Variants in SOX5 observed in about 807,000 individuals in gnomAD.
SOX5 encodes the protein SRY-box transcription factor 5.
A neutral mutation model predicts 92.0 loss-of-function variants in SOX5; 9 were observed. The ratio of observed to expected loss-of-function variants is 0.10; its 90% CI spans 0.06 to 0.17. The LOEUF is 0.17. Among genes scored for constraint, SOX5 ranks in the 10% least tolerant of loss-of-function variants. SOX5 has a pLI of 1.00. For missense variants in SOX5, 642 were observed against 944.5 expected, an observed-to-expected ratio of 0.68 and a Z score of 4.20; for synonymous variants, 344 against 336.3, an observed-to-expected ratio of 1.02 and a Z score of -0.25.
intron 2 of SOX5, among the ~76,000 whole-genome samples, chr12:24,367,383 C>T (rs1472476772): frequency 1.3e-5 from 2 of 152,148 alleles, no homozygotes; most frequent in Admixed American, 6.5e-5. Context: ...TATGACACCA[C>T]ATAATTATGA....
chr12:23,735,776 T>C (rs1380488127), intron 5 of SOX5, among the ~76,000 whole-genome samples: 1 of 152,204 alleles, frequency 6.6e-6, no homozygotes, highest in Non-Finnish European at 1.5e-5. Flanking sequence ...CACAATCACT[T>C]ACCACTCTCA....
At chr12:24,426,097 G>T (rs1747606575) in intron 1 of SOX5, among the ~76,000 whole-genome samples, 1 of 152,204 alleles carries the variant, frequency 6.6e-6, no homozygotes, top group African/African-American at 2.4e-5. Flanking sequence ...CACTTTGGGA[G>T]GCCAAGGCGG....
chr12:23,605,391 T>G (rs898278953), intron 8 of SOX5, among the ~76,000 whole-genome samples: 1 of 150,414 alleles, frequency 6.6e-6, no homozygotes, highest in African/African-American at 2.4e-5. Context: ...ACAACTTTGT[T>G]AAAATTTTAA....
intron 1 of SOX5, among the ~76,000 whole-genome samples, chr12:24,383,186 G>A (rs1260076264): frequency 6.6e-6 from 1 of 152,130 alleles, no homozygotes; most frequent in South Asian, 2.1e-4. Context: ...CCTAACAGCT[G>A]GGATTATAGG....
chr12:24,288,824 T>C (rs1946241048), intron 2 of SOX5, among the ~76,000 whole-genome samples: 1 of 152,118 alleles, frequency 6.6e-6, no homozygotes, highest in African/African-American at 2.4e-5. Context: ...TCTTTAAAAG[T>C]GAATTTGGTT....
chr12:24,217,019 A>G (rs767024014), intron 3 of SOX5, among the ~76,000 whole-genome samples: 4 of 152,236 alleles, frequency 2.6e-5, no homozygotes, highest in Admixed American at 6.5e-5. Context: ...AACCAACGCC[A>G]TGAAGACAGA....
At chr12:24,239,954 A>C (rs1049857061) in intron 3 of SOX5, among the ~76,000 whole-genome samples, 3 of 152,184 alleles carry the variant, frequency 2.0e-5, no homozygotes, top group Non-Finnish European at 4.4e-5. Context: ...CACAGAGGGA[A>C]TACACGGCTC....
chr12:23,628,094 C>T (rs937293557), intron 8 of SOX5, among the ~76,000 whole-genome samples: 2 of 151,864 alleles, frequency 1.3e-5, no homozygotes, highest in African/African-American at 2.4e-5. Context: ...TGTGTAAGGG[C>T]GTTTACTTTT....
intron 4 of SOX5, among the ~76,000 whole-genome samples, chr12:24,175,282 T>A (rs1049945871): frequency 2.6e-5 from 4 of 152,198 alleles, no homozygotes; most frequent in Admixed American, 2.6e-4. Context: ...CTATAAGGAT[T>A]GTGTAATATC....
chr12:23,849,380 A>C (rs559356638), intron 2 of SOX5, among the ~76,000 whole-genome samples: 290 of 152,326 alleles, frequency 1.9e-3, no homozygotes, highest in African/African-American at 6.6e-3. Flanking sequence ...AGTGCTTTAC[A>C]TGTATTAACT....
intron 5 of SOX5, among the ~76,000 whole-genome samples, chr12:23,736,836 A>C (rs1174587628): frequency 6.6e-6 from 1 of 151,836 alleles, no homozygotes; most frequent in Non-Finnish European, 1.5e-5. Flanking sequence ...GATTACAGGC[A>C]TGCACCACCA....
intron 4 of SOX5, among the ~76,000 whole-genome samples, chr12:24,010,022 A>G (rs543506381): frequency 1.3e-5 from 2 of 152,314 alleles, no homozygotes; most frequent in Admixed American, 1.3e-4. Flanking sequence ...TCTTATCTTC[A>G]TTCAATCACC....
chr12:24,094,454 CTTT>C (rs5797062), intron 4 of SOX5, among the ~76,000 whole-genome samples: 9 of 127,730 alleles, frequency 7.0e-5, no homozygotes, highest in East Asian at 2.3e-4. Context: ...CTATTAGTGG[CTTT>C]TTTTTTTTTT....
At chr12:24,064,391 C>G (rs532233307) in intron 4 of SOX5, among the ~76,000 whole-genome samples, 1 of 152,166 alleles carries the variant, frequency 6.6e-6, no homozygotes, top group African/African-American at 2.4e-5. Context: ...CATCTGGTAA[C>G]CACGGCACCC....
chr12:23,694,131 T>C (rs998173807), intron 6 of SOX5, among the ~76,000 whole-genome samples: 1 of 152,220 alleles, frequency 6.6e-6, no homozygotes, highest in Non-Finnish European at 1.5e-5. Context: ...TTTAGTCTAC[T>C]TGTGAGATTT....
chr12:23,768,439 C>A (rs1321573282), intron 3 of SOX5, among the ~76,000 whole-genome samples: 1 of 152,134 alleles, frequency 6.6e-6, no homozygotes, highest in African/African-American at 2.4e-5. Context: ...AATTACATCT[C>A]TCACCTAAGA....
intron 4 of SOX5, among the ~76,000 whole-genome samples, chr12:23,998,482 G>A (rs995512703): frequency 6.6e-6 from 1 of 151,850 alleles, no homozygotes. Flanking sequence ...ATGAATAATG[G>A]GAGTCTCAGA....
chr12:23,971,419 G>A (rs900762761), intron 4 of SOX5, among the ~76,000 whole-genome samples: 1 of 151,628 alleles, frequency 6.6e-6, no homozygotes, highest in East Asian at 1.9e-4. Flanking sequence ...ACCGCGCCTG[G>A]CCATCAGCTG....
chr12:24,101,829 G>T (rs1384574252), intron 4 of SOX5, among the ~76,000 whole-genome samples: 2 of 152,096 alleles, frequency 1.3e-5, no homozygotes, highest in Non-Finnish European at 2.9e-5. Flanking sequence ...CAAGAAACAT[G>T]ATGTGGAGGA....
Sources: gnomAD v4.1 joint callset for allele counts (sites outside exome capture counted in the v4.1 genomes callset) on GRCh38, gnomAD v4.1.1 for gene constraint, MANE v1.5 for transcripts, NCBI Gene and HGNC (gene_info 2026-07-23, HGNC 2026-07-21) for gene names.